FN1: variants seen among roughly 807,000 people sequenced by gnomAD.
FN1 encodes fibronectin.
Under a neutral mutation model 297.3 loss-of-function variants are expected in FN1, and 106 were observed. The observed-to-expected ratio is 0.36, with a 90% CI of 0.30 to 0.42. The LOEUF is 0.42. Ranked by LOEUF, FN1 falls within the 10% of genes least tolerant of loss-of-function variation. The pLI, the probability that FN1 is intolerant of heterozygous loss-of-function variation, is 1.00. For missense variants in FN1, 2,690 were observed against 3,124.9 expected, an observed-to-expected ratio of 0.86 and a Z score of 3.32; for synonymous variants, 1,149 against 1,152.6, an observed-to-expected ratio of 1.00 and a Z score of 0.06.
At chr2:215,414,643 A>C in intron 13 of FN1, 194 bp downstream of exon 13, 4 of 1,345,542 alleles carry the variant, frequency 3.0e-6, no homozygotes. Flanking sequence ...AAAACCCAAA[A>C]CCAAAACCAA....
intron 10 of FN1, 22 bp from the exon 11 acceptor site, chr2:215,420,823 G>A (rs901105252): frequency 6.2e-7 from 1 of 1,613,008 alleles, no homozygotes; most frequent in African/African-American, 1.3e-5. Flanking sequence ...ACAGGTGGGT[G>A]AGTGAGAAAC....
intron 34 of FN1, 62 bp downstream of exon 34, chr2:215,379,068 C>G (rs2057797691): frequency 5.8e-6 from 8 of 1,380,880 alleles, no homozygotes; most frequent in Admixed American, 3.3e-5. Context: ...TTTTCACCAC[C>G]TTAGAAACTG....
chr2:215,435,388 C>T (rs1315279514), intron 1 of FN1, among the ~76,000 whole-genome samples: 1 of 152,126 alleles, frequency 6.6e-6, no homozygotes, highest in African/African-American at 2.4e-5. Flanking sequence ...TTGGTTAATT[C>T]CTAGAAGGAC....
At chr2:215,373,116 G>A (rs953379782) in intron 39 of FN1, among the ~76,000 whole-genome samples, 1 of 151,842 alleles carries the variant, frequency 6.6e-6, no homozygotes, top group South Asian at 2.1e-4. Flanking sequence ...AGTGGCTGTA[G>A]TAAAGAAAAA....
intron 5 of FN1, 116 bp from the exon 6 acceptor site, chr2:215,428,454 T>C: frequency 1.1e-6 from 1 of 877,786 alleles, no homozygotes; most frequent in Non-Finnish European, 1.9e-6. Flanking sequence ...AATATGTTCA[T>C]ATTCAGCTCT....
In FN1 at chr2:215,375,632, TG is replaced by T; in HGVS notation, c.5973del (p.Thr1992LeufsTer76). On this transcript the variant is annotated frameshift_variant, in exon 37 of 46. Transcript: ENST00000354785. LOFTEE classifies it high-confidence loss of function. Reference sequence around the variant, plus strand: ...CCTCAGTAGAAGGTATAGTTACCAGTGGAGGCGTCGATGACCACAGGGGAGC... The same window carrying T: ...CCTCAGTAGAAGGTATAGTTACCAGTGAGGCGTCGATGACCACAGGGGAGC... ...ARSSPVVIDASTAIDAPSNLR... is the reference protein window; with the variant it reads ...ARSSPVVIDAXTAIDAPSNLR... The T allele has an allele frequency of 1.2e-6, 2 of 1,605,088 alleles. No individual in the cohort carries two copies. The highest frequency in any genetic ancestry group is 1.7e-6 in the Non-Finnish European group (2 of 1,171,778).
Position 215,376,644 on chromosome 2 carries a change from G to T in FN1, c.5741C>A (p.Thr1914Lys), listed in dbSNP as rs765428225. 315 of 1,613,856 alleles carry T rather than the reference G, an allele frequency of 2.0e-4. No individual in the cohort carries two copies. Among genetic ancestry groups the T allele is most frequent in the Non-Finnish European group, 2.6e-4 (303 of 1,179,986 alleles). Residue 1914 changes from threonine (T) to lysine (K), a missense_variant, in exon 36 of 46, where the codon ACA (threonine) becomes AAA (lysine). By Grantham distance (78) the Thr-to-Lys change is moderately conservative. Transcript: ENST00000354785. The part of the protein sequence containing the change: ...NVSPPRRARV[T>K]DATETTITIS... ...GGTGATGGTGGTCTCAGTAGCATCT[G>T]TCACACGAGCCCTTCTTGGTGGGCT...
At chr2:215,395,051 T>C (rs1213381441) in intron 23 of FN1, among the ~76,000 whole-genome samples, 1 of 152,178 alleles carries the variant, frequency 6.6e-6, no homozygotes, top group Non-Finnish European at 1.5e-5. Flanking sequence ...AAGCTTTCTT[T>C]GTTTCCAAAT....
At chr2:215,372,891 A>G (rs2056508651) in intron 39 of FN1, among the ~76,000 whole-genome samples, 1 of 152,224 alleles carries the variant, frequency 6.6e-6, no homozygotes, top group Non-Finnish European at 1.5e-5. Context: ...TTTTCTTGAA[A>G]TTAACTGAAA....
chr2:215,375,319 G>T lies in FN1; in HGVS notation c.6052C>A (p.Arg2018Ser), dbSNP rs372237449. ...NSLLVSWQPP[R>S]ARITGYIIKY... ...ATGATGTAGCCGGTAATCCTGGCAC[G>T]TGGCGGCTGCCATGATACCAGCAAG... Residue 2018 changes from arginine (R) to serine (S), a missense_variant, in exon 38 of 46, where the codon CGT becomes AGT. Arg to Ser is a moderately radical substitution (Grantham distance 110, BLOSUM62 -1). This residue lies in a region of FN1 where 1,743 missense variants were observed against 1,945.2 expected (regional missense o/e 0.90). Transcript: ENST00000354785. 2 of 1,614,096 alleles carry T rather than the reference G, an allele frequency of 1.2e-6. No homozygotes were observed. The highest frequency in any genetic ancestry group is 2.2e-5 in the South Asian group (2 of 91,072).
rs1277989297 is a variant in FN1 at position 215,428,270 on chromosome 2, G to A, written c.754C>T (p.Arg252Ter). 1 of 1,614,068 alleles carries A rather than the reference G, an allele frequency of 6.2e-7. No homozygotes were observed. The highest frequency in any genetic ancestry group is 8.5e-7 in the Non-Finnish European group (1 of 1,179,924). Residue 252 changes from arginine to a stop codon, truncating the protein, a stop_gained, in exon 6 of 46, where the codon CGA becomes TGA. Transcript: ENST00000354785. LOFTEE classifies it high-confidence loss of function. ...CAGATGCACTGGAGCAGGTTTCCTC[G>A]ATTATCCTTCTTGCTCCAGGTGTCT... ...IGDTWSKKDNRGNLLQCICTG... is the reference protein window; with the variant it reads ...IGDTWSKKDN
At chr2:215,434,426 C>A (rs2067093269) in intron 2 of FN1, among the ~76,000 whole-genome samples, 1 of 151,930 alleles carries the variant, frequency 6.6e-6, no homozygotes, top group Non-Finnish European at 1.5e-5. Context: ...TGTCGGAGGA[C>A]ACACAAAATC....
At position 215,362,100 on chromosome 2, in the gene FN1, A is replaced by T. The variant is rs767223039; in HGVS notation, c.7252-21T>A. ...CAGCCCTGAGAGAGTAGAGGCATGA[A>T]GTCAAATGGGGTTTATGATAACCTG... On this transcript the variant is annotated intron_variant, in intron 44 of 45. Coordinates refer to ENST00000354785, the MANE Select transcript of FN1 (RefSeq NM_212482.4). 3.2e-6 allele frequency: 5 copies of T among 1,570,446 alleles called. No homozygotes were observed. In the East Asian group the frequency reaches 1.1e-4, roughly 35 times the overall value.
Position 215,404,179 on chromosome 2 carries a change from C to T in FN1, c.3253+210G>A, listed in dbSNP as rs7575234. ...ACTAAGCAGTGTGCTTTGTGATTTACGTTCTGGCACAACCGTTTTTCTTGT... is the reference window on the plus strand; with the variant it reads ...ACTAAGCAGTGTGCTTTGTGATTTATGTTCTGGCACAACCGTTTTTCTTGT... On this transcript the variant is annotated intron_variant, in intron 20 of 45. Coordinates refer to ENST00000354785, the MANE Select transcript of FN1 (RefSeq NM_212482.4). Among the ~76,000 whole-genome samples, 40,781 of 152,126 alleles carry T rather than the reference C, an allele frequency of 0.27. 7,180 individuals are homozygous for T. The highest frequency in any genetic ancestry group is 0.93 in the East Asian group (4,828 of 5,186).
Position 215,424,151 on chromosome 2 carries a change from T to G in FN1, c.1211A>C (p.His404Pro). 1.9e-6 allele frequency: 3 copies of G among 1,614,156 alleles called. No individual in the cohort carries two copies. Among genetic ancestry groups the G allele is most frequent in the Non-Finnish European group, 2.5e-6 (3 of 1,179,990 alleles). ...QDQKYSFCTD[H>P]TVLVQTRGGN... ...CTCCCCCTTGGGACACTCACCAGTG[T>G]GGTCTGTGCAGAAAGAGTATTTCTG... The change falls in exon 8 of 46, where the codon CAC becomes CCC. Residue 404 changes from histidine to proline, a missense_variant. This residue lies in a region of FN1 where 876 missense variants were observed against 1,058.1 expected (regional missense o/e 0.83). Coordinates refer to ENST00000354785, the MANE Select transcript of FN1 (RefSeq NM_212482.4).
intron 20 of FN1, among the ~76,000 whole-genome samples, chr2:215,403,632 G>A (rs10172425): frequency 0.33 from 50,650 of 151,992 alleles, 9,137 homozygotes; most frequent in South Asian, 0.49. Flanking sequence ...AATAGGAATC[G>A]GTTTGTGAAT....
In FN1 at chr2:215,365,531, C is replaced by T. The variant is rs749068438; in HGVS notation, c.7118G>A (p.Gly2373Glu). 1.2e-6 allele frequency: 2 copies of T among 1,614,018 alleles called. No homozygotes were observed. The highest frequency in any genetic ancestry group is 2.7e-5 in the African/African-American group (2 of 74,926). Residue 2373 changes from glycine to glutamate, a missense_variant, in exon 43 of 46, where the codon GGA becomes GAA. Gly to Glu is a moderately conservative substitution (Grantham distance 98). Coordinates refer to ENST00000354785, the MANE Select transcript of FN1 (RefSeq NM_212482.4). ...AGGGTCACACTTGAATTCTCCTTTTCCGTTCCCAAGACATGTGCAGCTCAT... is the reference window on the plus strand; with the variant it reads ...AGGGTCACACTTGAATTCTCCTTTTTCGTTCCCAAGACATGTGCAGCTCAT... ...QMMSCTCLGN[G>E]KGEFKCDPHE...
At chr2:215,386,584 T>C (rs2059034088) in intron 28 of FN1, 105 bp downstream of exon 28, 1 of 588,708 alleles carries the variant, frequency 1.7e-6, no homozygotes, top group African/African-American at 2.0e-5. Context: ...TTTTTTTTTT[T>C]TTTTTTTTTT....
At chr2:215,374,181 GGA>G (rs1169089345) in intron 38 of FN1, among the ~76,000 whole-genome samples, 2 of 152,202 alleles carry the variant, frequency 1.3e-5, no homozygotes, top group Non-Finnish European at 2.9e-5. Flanking sequence ...GTGAAGGGTA[GGA>G]GAGATTGGCC....
Sources: gnomAD v4.1 joint callset for allele counts (sites outside exome capture counted in the v4.1 genomes callset) on GRCh38, gnomAD v4.1.1 for gene constraint, gnomAD v4.1.1 regional missense constraint, MANE v1.5 for transcripts, NCBI Gene and HGNC (gene_info 2026-07-23, HGNC 2026-07-21) for gene names.